The following MSH3 variants were observed in gnomAD, a reference collection of about 807,000 sequenced individuals.
MSH3 encodes the protein mutS homolog 3, also known as DNA mismatch repair protein Msh3.
A neutral mutation model predicts 123.3 loss-of-function variants in MSH3; 106 were observed. The observed-to-expected ratio is 0.86, with a 90% CI of 0.73 to 1.01. MSH3 has a LOEUF of 1.01. MSH3 is among the 50% of genes least tolerant of loss of function. MSH3 has a pLI of 0.00. For missense variants in MSH3, 1,459 were observed against 1,347.6 expected (o/e 1.08, Z -1.29); for synonymous variants, 515 against 481.4 (o/e 1.07, Z -0.91).
chr5:80,824,321 C>T (rs574186239), intron 20 of MSH3, among the ~76,000 whole-genome samples: 146 of 151,514 alleles, frequency 9.6e-4, no homozygotes, highest in Non-Finnish European at 1.5e-3. Flanking sequence ...TGGGCGGAGG[C>T]GCCCCCCACC....
intron 8 of MSH3, among the ~76,000 whole-genome samples, chr5:80,694,300 A>C: frequency 6.6e-6 from 1 of 152,208 alleles, no homozygotes; most frequent in East Asian, 1.9e-4. Flanking sequence ...AGTAATTAGT[A>C]AGTCATGTAG....
At chr5:80,822,407 C>T (rs1192959712) in intron 20 of MSH3, among the ~76,000 whole-genome samples, 2 of 152,184 alleles carry the variant, frequency 1.3e-5, no homozygotes, top group Non-Finnish European at 2.9e-5. Context: ...ATGCCAGACA[C>T]ATTGTAGGTA....
intron 1 of MSH3, chr5:80,655,187 GT>G (rs562109167): frequency 6.1e-4 from 250 of 406,644 alleles, no homozygotes; most frequent in African/African-American, 4.7e-3. Context: ...GGTTATGCAG[GT>G]TTTTAATGGC....
intron 20 of MSH3, among the ~76,000 whole-genome samples, chr5:80,845,961 A>G (rs1010672337): frequency 1.3e-5 from 2 of 152,092 alleles, no homozygotes; most frequent in African/African-American, 4.8e-5. Context: ...GAGGAGCTGC[A>G]ATCCTTTGGA....
intron 8 of MSH3, among the ~76,000 whole-genome samples, chr5:80,693,650 A>C (rs200963032): frequency 3.7e-5 from 5 of 135,020 alleles, no homozygotes; most frequent in East Asian, 2.2e-4. Context: ...CACACACACA[A>C]ACACATATAT....
intron 8 of MSH3, among the ~76,000 whole-genome samples, chr5:80,714,130 C>CTTTTTTTTTTTTTTTTTT: frequency 1.2e-5 from 1 of 85,820 alleles, no homozygotes; most frequent in Non-Finnish European, 2.2e-5. Flanking sequence ...TTCAAATAGA[C>CTTTTTTTTTTTTTTTTTT]TTTTTTTTTT....
At chr5:80,732,144 G>A (rs906754201) in intron 10 of MSH3, among the ~76,000 whole-genome samples, 4 of 152,124 alleles carry the variant, frequency 2.6e-5, no homozygotes, top group African/African-American at 9.7e-5. Context: ...AAGAAAAATA[G>A]TGTAACAAAA....
chr5:80,692,727 A>C (rs1750336361), intron 8 of MSH3, among the ~76,000 whole-genome samples: 1 of 137,136 alleles, frequency 7.3e-6, no homozygotes, highest in South Asian at 2.3e-4. Context: ...TATATAGATA[A>C]ATATACATAC....
At chr5:80,787,972 A>G (rs1744540163) in intron 18 of MSH3, among the ~76,000 whole-genome samples, 1 of 152,182 alleles carries the variant, frequency 6.6e-6, no homozygotes, top group Non-Finnish European at 1.5e-5. Context: ...TAAAAGTTTG[A>G]TTAGGCAAGA....
chr5:80,688,114 T>A (rs1237099405), intron 8 of MSH3, among the ~76,000 whole-genome samples: 1 of 152,204 alleles, frequency 6.6e-6, no homozygotes, highest in Admixed American at 6.5e-5. Context: ...AGATACTTGG[T>A]TAAAAACTAG....
At chr5:80,655,009 G>A in intron 1 of MSH3, 45 bp downstream of exon 1, 7 of 1,227,882 alleles carry the variant, frequency 5.7e-6, no homozygotes, top group Non-Finnish European at 7.6e-6. Context: ...GGCTGGGGGG[G>A]CGGGGCTTGT....
rs6151860 is a variant in MSH3, at chr5:80,795,091, C to T, written c.2655+2247C>T. Among the ~76,000 whole-genome samples, 184 of 152,236 alleles carry T rather than the reference C, an allele frequency of 1.2e-3. 2 individuals are homozygous for T. The highest frequency in any genetic ancestry group is 0.011 in the Admixed American group (172 of 15,286). Reference sequence around the variant, plus strand: ...GTAGGGGAGCATTTGGAATGTAGATCAGAGAAAGCTCAGAGTAGTAGCGAG... The same window carrying T: ...GTAGGGGAGCATTTGGAATGTAGATTAGAGAAAGCTCAGAGTAGTAGCGAG... On this transcript the variant is annotated intron_variant, in intron 19 of 23. Transcript: ENST00000265081.
At chr5:80,728,670 A>T (rs1743346276) in intron 9 of MSH3, among the ~76,000 whole-genome samples, 181 bp from the exon 10 acceptor site, 1 of 152,156 alleles carries the variant, frequency 6.6e-6, no homozygotes, top group African/African-American at 2.4e-5. Flanking sequence ...GTAATGATTT[A>T]CATTTTTCCA....
chr5:80,705,270 G>GTACATTGGGA (rs1470661195), intron 8 of MSH3, among the ~76,000 whole-genome samples: 3 of 152,144 alleles, frequency 2.0e-5, no homozygotes, highest in Non-Finnish European at 2.9e-5. Context: ...TCCAGTTGAG[G>GTACATTGGGA]TTCTAATCTT....
At chr5:80,776,032 G>A (rs1744293200) in intron 16 of MSH3, among the ~76,000 whole-genome samples, 1 of 152,022 alleles carries the variant, frequency 6.6e-6, no homozygotes, top group South Asian at 2.1e-4. Context: ...TGGGACCACA[G>A]GAGTACACTA....
chr5:80,709,584 A>G (rs1750802713), intron 8 of MSH3, among the ~76,000 whole-genome samples: 1 of 152,124 alleles, frequency 6.6e-6, no homozygotes, highest in Non-Finnish European at 1.5e-5. Flanking sequence ...ATCACGTGAG[A>G]TCGCGCCACT....
chr5:80,832,845 T>A (rs1446186378), intron 20 of MSH3, among the ~76,000 whole-genome samples: 4 of 152,146 alleles, frequency 2.6e-5, no homozygotes, highest in Non-Finnish European at 4.4e-5. Flanking sequence ...GCTCTAGTTA[T>A]CATTCAATAT....
intron 8 of MSH3, among the ~76,000 whole-genome samples, chr5:80,714,662 C>T (rs1390876102): frequency 1.3e-5 from 2 of 152,122 alleles, no homozygotes; most frequent in African/African-American, 2.4e-5. Flanking sequence ...TTTTATCAAA[C>T]TTAATGGGTT....
chr5:80,839,753 G>C (rs1226100916), intron 20 of MSH3, among the ~76,000 whole-genome samples: 1 of 152,130 alleles, frequency 6.6e-6, no homozygotes, highest in East Asian at 1.9e-4. Context: ...AATATAAAAA[G>C]TGACACAATA....
Sources: allele counts gnomAD v4.1 joint callset (sites outside exome capture counted in the v4.1 genomes callset), GRCh38; gene constraint gnomAD v4.1.1; transcripts MANE v1.5; gene names NCBI Gene and HGNC (gene_info 2026-07-23, HGNC 2026-07-21).